Variants in PDE4B observed in about 807,000 individuals in gnomAD.
PDE4B encodes 3',5'-cyclic-AMP phosphodiesterase 4B.
Under a neutral mutation model 82.2 loss-of-function variants are expected in PDE4B, and 20 were observed. The ratio of observed to expected loss-of-function variants is 0.24; its 90% CI spans 0.17 to 0.35. The LOEUF (loss-of-function observed/expected upper bound fraction) is 0.35. Ranked by LOEUF, PDE4B falls within the 10% of genes least tolerant of loss-of-function variation. The pLI, the probability that PDE4B is intolerant of heterozygous loss-of-function variation, is 1.00. For missense variants in PDE4B, 655 were observed against 907.2 expected (o/e 0.72, Z 3.57); for synonymous variants, 320 against 318.9 (o/e 1.00, Z -0.04).
intron 3 of PDE4B, among the ~76,000 whole-genome samples, chr1:65,973,761 G>A (rs1348431288): frequency 6.6e-6 from 1 of 151,714 alleles, no homozygotes; most frequent in Non-Finnish European, 1.5e-5. Context: ...CTAATCTAAA[G>A]CATACAAAAC....
chr1:66,229,340 C>T (rs1651758785), intron 3 of PDE4B, among the ~76,000 whole-genome samples: 1 of 152,192 alleles, frequency 6.6e-6, no homozygotes, highest in African/African-American at 2.4e-5. Context: ...TCTCATTGGC[C>T]AGAACTATGC....
chr1:65,941,598 C>CA lies in PDE4B; in HGVS notation c.281+22769dup, dbSNP rs565914496. On this transcript the variant is annotated intron_variant, in intron 3 of 16. Coordinates refer to ENST00000341517, the MANE Select transcript of PDE4B (RefSeq NM_002600.4). ...GGGGGAGGCAGACAGTGACCCATGA[C>CA]AAAAAACAAAGTCCTTGGGAGATTC... Among the ~76,000 whole-genome samples the CA allele has an allele frequency of 5.8e-3, 878 of 151,896 alleles. 9 individuals are homozygous for CA. The highest frequency in any genetic ancestry group is 0.02 in the African/African-American group (841 of 41,464).
chr1:66,199,198 A>G (rs555910125), intron 3 of PDE4B, among the ~76,000 whole-genome samples: 2 of 151,830 alleles, frequency 1.3e-5, no homozygotes, highest in South Asian at 4.2e-4. Flanking sequence ...TGACTGCCAC[A>G]ATGGTTGAAC....
intron 1 of PDE4B, among the ~76,000 whole-genome samples, chr1:65,802,773 T>C (rs1172333845): frequency 6.6e-6 from 1 of 152,170 alleles, no homozygotes; most frequent in Non-Finnish European, 1.5e-5. Context: ...TTATCTAATT[T>C]TTTTAATCAG....
chr1:65,900,404 C>T (rs993295825), intron 1 of PDE4B, among the ~76,000 whole-genome samples: 5 of 151,948 alleles, frequency 3.3e-5, no homozygotes, highest in African/African-American at 9.6e-5. Context: ...ATACCTCCAG[C>T]TTTGTTCTTG....
intron 3 of PDE4B, among the ~76,000 whole-genome samples, chr1:66,227,344 T>C (rs974854134): frequency 1.3e-5 from 2 of 152,220 alleles, no homozygotes; most frequent in Non-Finnish European, 2.9e-5. Context: ...GCTTAACAGC[T>C]CTGTGACCTT....
intron 3 of PDE4B, among the ~76,000 whole-genome samples, chr1:66,121,834 T>C (rs536048182): frequency 2.0e-5 from 3 of 152,344 alleles, no homozygotes; most frequent in East Asian, 1.9e-4. Context: ...TAGCTGTTCA[T>C]TGAGAAAACT....
chr1:66,173,097 A>G (rs1187798013), intron 3 of PDE4B, among the ~76,000 whole-genome samples: 2 of 152,220 alleles, frequency 1.3e-5, no homozygotes, highest in Non-Finnish European at 2.9e-5. Context: ...TTGGGGGTAA[A>G]GGAGGTGACC....
chr1:66,022,878 G>C (rs1337485213), intron 3 of PDE4B, among the ~76,000 whole-genome samples: 3 of 152,136 alleles, frequency 2.0e-5, no homozygotes, highest in Non-Finnish European at 2.9e-5. Flanking sequence ...ATTTCAGAAG[G>C]AATGGTACCA....
chr1:66,258,817 C>T (rs1022307348), intron 6 of PDE4B, among the ~76,000 whole-genome samples: 2 of 152,176 alleles, frequency 1.3e-5, no homozygotes, highest in African/African-American at 2.4e-5. Context: ...AGAATAGTTT[C>T]ATTAAAAGTG....
intron 3 of PDE4B, among the ~76,000 whole-genome samples, chr1:66,190,220 C>T (rs1370401942): frequency 1.3e-5 from 2 of 152,138 alleles, no homozygotes; most frequent in Admixed American, 6.5e-5. Context: ...AGTACCTGGC[C>T]GTGTGAGATG....
At chr1:66,202,350 A>G (rs1414700574) in intron 3 of PDE4B, among the ~76,000 whole-genome samples, 1 of 152,166 alleles carries the variant, frequency 6.6e-6, no homozygotes, top group Non-Finnish European at 1.5e-5. Context: ...AGTTCTGTAG[A>G]TATCTATTAG....
chr1:66,180,433 G>A (rs1647038965), intron 3 of PDE4B, among the ~76,000 whole-genome samples: 1 of 152,130 alleles, frequency 6.6e-6, no homozygotes, highest in South Asian at 2.1e-4. Flanking sequence ...AAGTCCTGGA[G>A]GTTTGTAAGC....
chr1:66,276,019 A>G (rs770663757), intron 7 of PDE4B, among the ~76,000 whole-genome samples: 1 of 152,074 alleles, frequency 6.6e-6, no homozygotes, highest in Non-Finnish European at 1.5e-5. Context: ...CAGGTCAGAT[A>G]ATGCTATTTT....
chr1:65,952,623 A>G (rs2100575005), intron 3 of PDE4B, among the ~76,000 whole-genome samples: 1 of 152,220 alleles, frequency 6.6e-6, no homozygotes, highest in South Asian at 2.1e-4. Flanking sequence ...TGGAGGTTTC[A>G]GTGAGCCAAG....
chr1:65,870,674 AAGAGGGTT>A (rs1473230847), intron 1 of PDE4B, among the ~76,000 whole-genome samples: 3 of 152,022 alleles, frequency 2.0e-5, no homozygotes, highest in Admixed American at 6.6e-5. Context: ...TTTTAGTGAG[AAGAGGGTT>A]ACAACCTTTT....
At chr1:65,935,859 C>T (rs1266100979) in intron 3 of PDE4B, among the ~76,000 whole-genome samples, 1 of 152,036 alleles carries the variant, frequency 6.6e-6, no homozygotes, top group East Asian at 1.9e-4. Flanking sequence ...ATCACTTGAA[C>T]CTGGGAGGCG....
chr1:66,036,553 C>G (rs934501910), intron 3 of PDE4B, among the ~76,000 whole-genome samples: 3 of 152,112 alleles, frequency 2.0e-5, no homozygotes, highest in African/African-American at 7.2e-5. Flanking sequence ...TCTGTTTTCT[C>G]AACAGCATTT....
chr1:66,147,344 G>A (rs1174217976), intron 3 of PDE4B, among the ~76,000 whole-genome samples: 1 of 152,132 alleles, frequency 6.6e-6, no homozygotes, highest in African/African-American at 2.4e-5. Context: ...CTATCATTTT[G>A]CAAAGGATGA....
Sources: allele counts gnomAD v4.1 joint callset (sites outside exome capture counted in the v4.1 genomes callset), GRCh38; gene constraint gnomAD v4.1.1; transcripts MANE v1.5; gene names NCBI Gene and HGNC (gene_info 2026-07-23, HGNC 2026-07-21).